LAIR2: variants seen among roughly 807,000 people sequenced by gnomAD.
The protein encoded by LAIR2 is leukocyte associated immunoglobulin like receptor 2.
LAIR2 carries 14 observed loss-of-function variants against 14.8 expected under a neutral mutation model. The observed-to-expected ratio is 0.95, with a 90% CI of 0.62 to 1.48. The LOEUF is 1.48. Ranked by LOEUF, LAIR2 falls within the 40% of genes most tolerant of loss-of-function variation. The probability of loss-of-function intolerance (pLI) is 0.00; values close to 1 mark genes in which losing one functional copy is unlikely to be tolerated. For synonymous variants in LAIR2, 75 were observed against 74.5 expected, an observed-to-expected ratio of 1.01 and a Z score of -0.03; for missense variants, 172 against 180.9, an observed-to-expected ratio of 0.95 and a Z score of 0.28.
chr19:54,507,942 C>G lies in LAIR2; in HGVS notation c.122C>G (p.Pro41Arg). Residue 41 changes from proline to arginine, a missense_variant, in exon 3 of 5, where the codon CCG (proline) becomes CGG (arginine). Coordinates refer to ENST00000301202, the MANE Select transcript of LAIR2 (RefSeq NM_002288.6). ...GCTGAGCCAGGCACTGTGATCTCCCCGGGGAGCCATGTGACTTTCATGTGC... is the reference window on the plus strand; with the variant it reads ...GCTGAGCCAGGCACTGTGATCTCCCGGGGGAGCCATGTGACTTTCATGTGC... Reference protein sequence around the residue: ...ISAEPGTVISPGSHVTFMCRG... With the variant: ...ISAEPGTVISRGSHVTFMCRG... 6.2e-7 allele frequency: 1 copy of G among 1,614,026 alleles called. No homozygotes were observed.
At chr19:54,503,513 C>T (rs1282524141) in intron 1 of LAIR2, among the ~76,000 whole-genome samples, 187 bp from the exon 2 acceptor site, 2 of 152,092 alleles carry the variant, frequency 1.3e-5, no homozygotes, top group Non-Finnish European at 2.9e-5. Flanking sequence ...GAAGAGGAGA[C>T]TTTGGGATTT....
chr19:54,505,886 G>T, intron 2 of LAIR2, among the ~76,000 whole-genome samples: 1 of 151,134 alleles, frequency 6.6e-6, no homozygotes. Context: ...CAATGGCTCG[G>T]TCTTGGCTTA....
In LAIR2 at chr19:54,502,888, G is replaced by A. The variant is rs781663721; in HGVS notation, c.-31G>A. 2 of 1,614,038 alleles carry A rather than the reference G, an allele frequency of 1.2e-6. No homozygotes were observed. The highest frequency in any genetic ancestry group is 1.3e-5 in the African/African-American group (1 of 75,042). ...CCCGGCCAGCACATCCTGTCTGCTTGTGTCTGCTGCAGAGTTCTGGGACCG... is the reference window on the plus strand; with the variant it reads ...CCCGGCCAGCACATCCTGTCTGCTTATGTCTGCTGCAGAGTTCTGGGACCG... On this transcript the variant is annotated 5_prime_UTR_variant, in exon 1 of 5. The change creates a new upstream start codon in the 5' untranslated region. Transcript: ENST00000301202.
intron 3 of LAIR2, among the ~76,000 whole-genome samples, chr19:54,508,499 C>G (rs2085410607): frequency 6.6e-6 from 1 of 152,176 alleles, no homozygotes; most frequent in Non-Finnish European, 1.5e-5. Flanking sequence ...GGGGGCAACC[C>G]CCCTACAAGG....
At chr19:54,503,035 A>C in intron 1 of LAIR2, 83 bp downstream of exon 1, 1 of 1,344,644 alleles carries the variant, frequency 7.4e-7, no homozygotes, top group South Asian at 1.3e-5. Flanking sequence ...ACTCTAGTCC[A>C]GAAGATTCTG....
At chr19:54,503,118 A>G (rs912276882) in intron 1 of LAIR2, among the ~76,000 whole-genome samples, 166 bp downstream of exon 1, 2 of 152,054 alleles carry the variant, frequency 1.3e-5, no homozygotes, top group Non-Finnish European at 2.9e-5. Context: ...ATCAGAGACA[A>G]CCTTGTCCTA....
chr19:54,509,340 G>A (rs2123405479), intron 4 of LAIR2, among the ~76,000 whole-genome samples: 1 of 142,138 alleles, frequency 7.0e-6, no homozygotes, highest in African/African-American at 2.7e-5. Flanking sequence ...AATGGGGGAG[G>A]TACTAGTCTG....
Position 54,503,859 on chromosome 19 carries a change from A to G in LAIR2, c.70+124A>G, listed in dbSNP as rs959821078. On this transcript the variant is annotated intron_variant, in intron 2 of 4. Transcript: ENST00000301202. ...CCCTTTAAATATACCCTAGATTGCAAACTATTCCAAATGTAAAATGCATAA... is the reference window on the plus strand; with the variant it reads ...CCCTTTAAATATACCCTAGATTGCAGACTATTCCAAATGTAAAATGCATAA... 6 of 1,185,974 alleles carry G rather than the reference A, an allele frequency of 5.1e-6. No individual in the cohort carries two copies. In the African/African-American group the frequency reaches 9.1e-5, roughly 18 times the overall value. The allele number at this position is 1,185,974 out of a possible 1,614,324, so 73.5% of individuals were successfully genotyped here. A position where few individuals can be genotyped will look rare whatever the true frequency, so the allele number is the denominator to read the frequency against.
intron 4 of LAIR2, 140 bp from the exon 5 acceptor site, chr19:54,510,386 G>A (rs1452179557): frequency 1.3e-5 from 8 of 610,118 alleles, no homozygotes; most frequent in African/African-American, 9.2e-5. Flanking sequence ...TGAAACAGAG[G>A]CAATAGAAGA....
chr19:54,507,911 A>G lies in LAIR2; in HGVS notation c.91A>G (p.Ile31Val). 6.2e-7 allele frequency: 1 copy of G among 1,613,992 alleles called. No homozygotes were observed. Among genetic ancestry groups the G allele is most frequent in the Non-Finnish European group, 8.5e-7 (1 of 1,179,966 alleles). The change falls in exon 3 of 5, where the codon ATC becomes GTC. Residue 31 changes from isoleucine to valine, a missense_variant. Physicochemically the swap from Ile to Val is conservative, Grantham distance 29. Around this residue, in one of 2 missense-constraint regions of LAIR2, gnomAD observed 161 missense variants for 149.0 expected, o/e 1.08. Coordinates refer to ENST00000301202, the MANE Select transcript of LAIR2 (RefSeq NM_002288.6). ...TQEGALPRPSISAEPGTVISP... is the reference protein window; with the variant it reads ...TQEGALPRPSVSAEPGTVISP... ...CTTAGGGGCCCTTCCCAGACCCTCC[A>G]TCTCGGCTGAGCCAGGCACTGTGAT...
intron 2 of LAIR2, among the ~76,000 whole-genome samples, 198 bp from the exon 3 acceptor site, chr19:54,507,692 GA>G (rs1417303101): frequency 6.6e-6 from 1 of 152,226 alleles, no homozygotes; most frequent in African/African-American, 2.4e-5. Flanking sequence ...TGTCAACTGG[GA>G]AAAAACTCTG....
At chr19:54,503,519 G>A (rs2085312431) in intron 1 of LAIR2, among the ~76,000 whole-genome samples, 181 bp from the exon 2 acceptor site, 1 of 152,158 alleles carries the variant, frequency 6.6e-6, no homozygotes. Flanking sequence ...GAGACTTTGG[G>A]ATTTATCTTG....
chr19:54,504,980 T>C (rs574646556), intron 2 of LAIR2, among the ~76,000 whole-genome samples: 2 of 152,372 alleles, frequency 1.3e-5, no homozygotes, highest in East Asian at 3.8e-4. Context: ...CTTAGCATAA[T>C]GTCCTCTGGT....
chr19:54,503,346 T>C (rs1365100362), intron 1 of LAIR2, among the ~76,000 whole-genome samples: 3 of 151,976 alleles, frequency 2.0e-5, no homozygotes, highest in African/African-American at 4.8e-5. Context: ...TAATCCCAGC[T>C]ACTCGGGAGG....
In LAIR2 at chr19:54,508,019, A is replaced by T. The variant is rs745743170; in HGVS notation, c.199A>T (p.Lys67Ter). Residue 67 changes from lysine to a stop codon, truncating the protein, a stop_gained, in exon 3 of 5, where the codon AAG becomes TAG. Transcript: ENST00000301202. LOFTEE classifies it high-confidence loss of function. ...TFRLEREDRA[K>*]YKDSYNVFRL... is the part of the protein sequence containing the mutation. ...CCGCCTGGAGAGGGAGGATAGAGCC[A>T]AGTACAAAGATAGTTATAATGTGTT... is the stretch of plus-strand genomic sequence containing the variant. 6 of 1,614,180 alleles carry T rather than the reference A, an allele frequency of 3.7e-6. No homozygotes were observed. Among genetic ancestry groups the T allele is most frequent in the Non-Finnish European group, 5.1e-6 (6 of 1,180,016 alleles).
intron 2 of LAIR2, among the ~76,000 whole-genome samples, chr19:54,506,501 C>G (rs1260371476): frequency 6.6e-6 from 1 of 152,184 alleles, no homozygotes. Flanking sequence ...GCTCTCAGCT[C>G]AGAGAGAGCT....
intron 2 of LAIR2, among the ~76,000 whole-genome samples, chr19:54,504,467 C>T (rs999791033): frequency 6.6e-5 from 10 of 151,954 alleles, no homozygotes; most frequent in Admixed American, 2.6e-4. Flanking sequence ...CTATAGTCAG[C>T]CTGCTATGCA....
chr19:54,502,994 G>T, intron 1 of LAIR2, 42 bp downstream of exon 1: 1 of 1,586,492 alleles, frequency 6.3e-7, no homozygotes. Flanking sequence ...AAGGGGGTCG[G>T]GAGGTCTGGA....
chr19:54,509,971 G>A (rs2085440005), intron 4 of LAIR2, among the ~76,000 whole-genome samples: 1 of 147,930 alleles, frequency 6.8e-6, no homozygotes, highest in Non-Finnish European at 1.5e-5. Flanking sequence ...GACTGCCTGT[G>A]AGGCTCGGGC....
Sources: allele counts gnomAD v4.1 joint callset (sites outside exome capture counted in the v4.1 genomes callset), GRCh38; gene constraint gnomAD v4.1.1; regional missense constraint gnomAD v4.1.1; transcripts MANE v1.5; gene names NCBI Gene and HGNC (gene_info 2026-07-23, HGNC 2026-07-21).